The following ITGA1 variants were observed in gnomAD, a reference collection of about 807,000 sequenced individuals.
ITGA1 encodes integrin subunit alpha 1.
Under a neutral mutation model 145.9 loss-of-function variants are expected in ITGA1, and 85 were observed. The observed-to-expected ratio is 0.58, with a 90% CI of 0.49 to 0.70. ITGA1 has a LOEUF of 0.70. Ranked by LOEUF, ITGA1 falls within the 30% of genes least tolerant of loss-of-function variation. ITGA1 has a pLI of 0.00. For missense variants in ITGA1, 1,351 were observed against 1,418.7 expected, an observed-to-expected ratio of 0.95 and a Z score of 0.77; for synonymous variants, 520 against 495.3, an observed-to-expected ratio of 1.05 and a Z score of -0.66.
intron 1 of ITGA1, among the ~76,000 whole-genome samples, chr5:52,807,553 C>A (rs1000029607): frequency 2.6e-5 from 4 of 151,888 alleles, no homozygotes; most frequent in African/African-American, 9.7e-5. Context: ...AGTAGGCAAA[C>A]ATGTATCTAA....
Position 52,930,543 on chromosome 5 carries a change from A to G in ITGA1, c.2771+842A>G, listed in dbSNP as rs750153209. ...TTGTAACCTGGGATAGAATAAAAACACTCCATTATAGAGATAGAAAGCTTT... is the reference window on the plus strand; with the variant it reads ...TTGTAACCTGGGATAGAATAAAAACGCTCCATTATAGAGATAGAAAGCTTT... On this transcript the variant is annotated intron_variant, in intron 21 of 28. Transcript: ENST00000282588. Among the ~76,000 whole-genome samples, 24 of 152,216 alleles carry G rather than the reference A, an allele frequency of 1.6e-4. No homozygotes were observed. The South Asian group carries it at 2.3e-3, about 14-fold the overall frequency.
intron 5 of ITGA1, 119 bp from the exon 6 acceptor site, chr5:52,865,571 T>A: frequency 1.3e-6 from 1 of 758,790 alleles, no homozygotes; most frequent in Non-Finnish European, 2.0e-6. Flanking sequence ...AAACAATGTG[T>A]CTACTTTGGA....
chr5:52,906,276 T>A (rs1390942260), intron 12 of ITGA1, among the ~76,000 whole-genome samples: 1 of 152,162 alleles, frequency 6.6e-6, no homozygotes, highest in Non-Finnish European at 1.5e-5. Flanking sequence ...AAATTCGGGC[T>A]GAATCTACAA....
intron 18 of ITGA1, 44 bp from the exon 19 acceptor site, chr5:52,925,232 AAT>A (rs1478401575): frequency 1.4e-6 from 2 of 1,446,726 alleles, no homozygotes; most frequent in African/African-American, 2.8e-5. Flanking sequence ...AATTTTCAAC[AAT>A]GCGTAGCTAA....
At chr5:52,847,724 T>G (rs1749359702) in intron 1 of ITGA1, among the ~76,000 whole-genome samples, 1 of 152,156 alleles carries the variant, frequency 6.6e-6, no homozygotes, top group Non-Finnish European at 1.5e-5. Flanking sequence ...GGCTAATATT[T>G]GTATATTTTT....
At chr5:52,878,117 T>A (rs115704455) in intron 6 of ITGA1, among the ~76,000 whole-genome samples, 217 of 152,232 alleles carry the variant, frequency 1.4e-3, no homozygotes, top group African/African-American at 5.0e-3. Flanking sequence ...CACCATTGCC[T>A]GTGGATCAGG....
At chr5:52,927,334 C>G (rs1417998224) in intron 19 of ITGA1, among the ~76,000 whole-genome samples, 1 of 152,162 alleles carries the variant, frequency 6.6e-6, no homozygotes, top group Non-Finnish European at 1.5e-5. Flanking sequence ...ATTAGTACTT[C>G]CATTTTACAA....
chr5:52,844,945 G>A (rs548230974), intron 1 of ITGA1, among the ~76,000 whole-genome samples: 88 of 152,224 alleles, frequency 5.8e-4, no homozygotes, highest in African/African-American at 2.0e-3. Flanking sequence ...TAAATCAAAA[G>A]AACTGGATGT....
chr5:52,839,499 T>A (rs1338139361), intron 1 of ITGA1, among the ~76,000 whole-genome samples: 1 of 152,210 alleles, frequency 6.6e-6, no homozygotes, highest in African/African-American at 2.4e-5. Context: ...TTTTAGGATG[T>A]CATTGGTTCA....
At chr5:52,886,003 A>C (rs2456200) in intron 7 of ITGA1, among the ~76,000 whole-genome samples, 92,469 of 152,034 alleles carry the variant, frequency 0.61, 28,423 homozygotes, top group African/African-American at 0.68. Context: ...ACAGCGTAAT[A>C]AGATTTAGAG....
intron 23 of ITGA1, among the ~76,000 whole-genome samples, chr5:52,936,428 C>A (rs1750965735): frequency 6.6e-6 from 1 of 152,148 alleles, no homozygotes; most frequent in Non-Finnish European, 1.5e-5. Flanking sequence ...CTTTACAAAC[C>A]CAGGAAACTG....
chr5:52,883,287 C>T (rs2456206), intron 7 of ITGA1, among the ~76,000 whole-genome samples: 24,667 of 152,144 alleles, frequency 0.16, 2,281 homozygotes, highest in South Asian at 0.28. Flanking sequence ...CCAAAGGCAA[C>T]CATTTAAGAA....
chr5:52,886,251 G>A (rs1750044834), intron 7 of ITGA1, among the ~76,000 whole-genome samples: 1 of 152,148 alleles, frequency 6.6e-6, no homozygotes, highest in African/African-American at 2.4e-5. Context: ...ACTATATCCT[G>A]TATATCCACC....
intron 8 of ITGA1, among the ~76,000 whole-genome samples, chr5:52,893,049 T>A (rs1268204793): frequency 6.6e-6 from 1 of 152,116 alleles, no homozygotes; most frequent in Non-Finnish European, 1.5e-5. Flanking sequence ...CTTGGACATC[T>A]AAATAATTAT....
At position 52,952,595 on chromosome 5, in the gene ITGA1, G is replaced by T; in HGVS notation, c.*144G>T. Reference sequence around the variant, plus strand: ...GGGATTCATTACTTGGAAAATGACAGGTCATGCATTATCCAAAAACAATAC... The same window carrying T: ...GGGATTCATTACTTGGAAAATGACATGTCATGCATTATCCAAAAACAATAC... On this transcript the variant is annotated 3_prime_UTR_variant, in exon 29 of 29. Transcript: ENST00000282588. 1 of 368,854 alleles carries T rather than the reference G, an allele frequency of 2.7e-6. No homozygotes were observed. The highest frequency in any genetic ancestry group is 5.1e-6 in the Non-Finnish European group (1 of 196,608). 22.8% of individuals were successfully genotyped at this position (368,854 alleles called of 1,614,324 possible).
At chr5:52,889,355 A>G (rs1579700080) in intron 8 of ITGA1, among the ~76,000 whole-genome samples, 1 of 151,110 alleles carries the variant, frequency 6.6e-6, no homozygotes, top group Non-Finnish European at 1.5e-5. Flanking sequence ...ACCTGCCTTG[A>G]CCTCCCAAAG....
In ITGA1 at chr5:52,934,490, G is replaced by A. The variant is rs1750937281; in HGVS notation, c.2964+494G>A. ...AAGTATGTATCACATTCTCCTTATT[G>A]TTACCTTTCACATGCATTGTACTAT... On this transcript the variant is annotated intron_variant, in intron 23 of 28. Transcript: ENST00000282588. 2.0e-5 allele frequency among the ~76,000 whole-genome samples: 3 copies of A among 151,702 alleles called. No homozygotes were observed. In the South Asian group the frequency reaches 6.2e-4, roughly 32 times the overall value.
chr5:52,925,390 TCAA>T lies in ITGA1; in HGVS notation c.2518_2520del (p.Asn840del). 1 of 1,614,082 alleles carries T rather than the reference TCAA, an allele frequency of 6.2e-7. No homozygotes were observed. The highest frequency in any genetic ancestry group is 8.5e-7 in the Non-Finnish European group (1 of 1,179,914). On this transcript the variant is annotated inframe_deletion, in exon 19 of 29. Coordinates refer to ENST00000282588, the MANE Select transcript of ITGA1 (RefSeq NM_181501.2). Reference sequence around the variant, plus strand: ...ATTGTCCGATCCCAGAATGATAAGTTCAACGTTAGCCTCACAGTCAAAAATACA... The same window carrying T: ...ATTGTCCGATCCCAGAATGATAAGTTCGTTAGCCTCACAGTCAAAAATACA...
intron 7 of ITGA1, among the ~76,000 whole-genome samples, chr5:52,883,528 TTTAA>T (rs1386104101): frequency 6.6e-6 from 1 of 152,236 alleles, no homozygotes; most frequent in Non-Finnish European, 1.5e-5. Flanking sequence ...TTAAGCACAT[TTTAA>T]TTGTTTTTTA....
Sources: allele counts gnomAD v4.1 joint callset (sites outside exome capture counted in the v4.1 genomes callset), GRCh38; gene constraint gnomAD v4.1.1; transcripts MANE v1.5; gene names NCBI Gene and HGNC (gene_info 2026-07-23, HGNC 2026-07-21).